C1QTNF3: variants seen among roughly 807,000 people sequenced by gnomAD.
The protein encoded by C1QTNF3 is complement C1q tumor necrosis factor-related protein 3.
In C1QTNF3, 26 loss-of-function variants were observed where a neutral mutation model predicts 32.6. That is an observed-to-expected ratio of 0.80 (90% CI 0.58 to 1.11). The LOEUF is 1.11. Ranked by LOEUF, C1QTNF3 falls within the 50% of genes least tolerant of loss-of-function variation. C1QTNF3 has a pLI of 0.00. For synonymous variants in C1QTNF3, 155 were observed against 146.0 expected, an observed-to-expected ratio of 1.06 and a Z score of -0.44; for missense variants, 362 against 398.2, an observed-to-expected ratio of 0.91 and a Z score of 0.77.
At chr5:34,124,732 C>G in the C1QTNF3 span, among the ~76,000 whole-genome samples, 1 of 152,070 alleles carries the variant, frequency 6.6e-6, no homozygotes, top group Admixed American at 6.6e-5. Context: ...TTTGTTTTGT[C>G]TTAAGCAGTC....
At chr5:34,095,844 G>A in the C1QTNF3 span, among the ~76,000 whole-genome samples, 1 of 151,008 alleles carries the variant, frequency 6.6e-6, no homozygotes, top group Admixed American at 6.6e-5. Context: ...GAAAATGGAA[G>A]GTTAATTGTG....
chr5:34,169,218 C>T, the C1QTNF3 span: 1 of 152,108 alleles, frequency 6.6e-6, no homozygotes, highest in Admixed American at 6.6e-5. Context: ...AATAGTAGCA[C>T]AAACGAATTA....
intron 1 of C1QTNF3, 104 bp from the exon 2 acceptor site, chr5:34,035,862 C>T (rs1277580612): frequency 7.6e-6 from 6 of 790,858 alleles, no homozygotes; most frequent in Admixed American, 2.6e-5. Context: ...TAATTCCAAT[C>T]GAATCACAGC....
chr5:34,209,656 C>T, the C1QTNF3 span, among the ~76,000 whole-genome samples: 3 of 152,066 alleles, frequency 2.0e-5, no homozygotes, highest in African/African-American at 7.2e-5. Context: ...GATCATTTTT[C>T]ATGCCTGTGT....
the C1QTNF3 span, among the ~76,000 whole-genome samples, chr5:34,207,462 T>G: frequency 1.3e-5 from 2 of 152,196 alleles, no homozygotes; most frequent in Non-Finnish European, 2.9e-5. Context: ...ATTTAAATTT[T>G]GTGGTTGTTC....
the C1QTNF3 span, among the ~76,000 whole-genome samples, chr5:34,132,635 T>C: frequency 6.6e-6 from 1 of 152,070 alleles, no homozygotes; most frequent in South Asian, 2.1e-4. Context: ...TGATCTTACA[T>C]ATTATTTGTC....
the C1QTNF3 span, among the ~76,000 whole-genome samples, chr5:34,140,823 G>A: frequency 6.6e-6 from 1 of 152,190 alleles, no homozygotes; most frequent in African/African-American, 2.4e-5. Context: ...CTGAAAATTT[G>A]TAGCACCCTA....
chr5:34,071,241 TATC>T, the C1QTNF3 span, among the ~76,000 whole-genome samples: 1 of 152,196 alleles, frequency 6.6e-6, no homozygotes, highest in East Asian at 1.9e-4. Context: ...AGATAAACCT[TATC>T]ATTTTCTCCT....
At chr5:34,176,027 A>G in the C1QTNF3 span, 2 of 644,358 alleles carry the variant, frequency 3.1e-6, no homozygotes, top group Admixed American at 2.4e-5. Flanking sequence ...ATAAAGATCC[A>G]CTTGATGGTG....
chr5:34,047,971 C>T (rs1291943658), upstream of C1QTNF3, among the ~76,000 whole-genome samples: 1 of 152,106 alleles, frequency 6.6e-6, no homozygotes, highest in African/African-American at 2.4e-5. Flanking sequence ...AGTTGGTCAG[C>T]TGGTCAGGAT....
the C1QTNF3 span, chr5:34,218,161 G>A: frequency 2.6e-5 from 4 of 152,396 alleles, no homozygotes; most frequent in Non-Finnish European, 4.4e-5. Context: ...TAATGTATTT[G>A]ATATATCGTT....
At chr5:34,067,400 A>G in the C1QTNF3 span, among the ~76,000 whole-genome samples, 2 of 152,200 alleles carry the variant, frequency 1.3e-5, no homozygotes, top group Admixed American at 1.3e-4. Flanking sequence ...AGACTGGGCA[A>G]TTTCCAAAAG....
chr5:34,113,148 A>C, the C1QTNF3 span, among the ~76,000 whole-genome samples: 8 of 134,528 alleles, frequency 5.9e-5, no homozygotes, highest in African/African-American at 1.0e-4. Flanking sequence ...AGTACCTATA[A>C]AATATTTAAA....
At chr5:34,039,098 T>C (rs777128621) in intron 1 of C1QTNF3, among the ~76,000 whole-genome samples, 1 of 152,032 alleles carries the variant, frequency 6.6e-6, no homozygotes, top group Non-Finnish European at 1.5e-5. Context: ...CCTAGGAGCA[T>C]TTGGCTGGTA....
chr5:34,096,924 GGT>G, the C1QTNF3 span, among the ~76,000 whole-genome samples: 1 of 149,758 alleles, frequency 6.7e-6, no homozygotes, highest in Non-Finnish European at 1.5e-5. Flanking sequence ...ATGATAGAAA[GGT>G]AAGAAGGACT....
intron 1 of C1QTNF3, among the ~76,000 whole-genome samples, chr5:34,037,294 A>C (rs1754765364): frequency 6.6e-6 from 1 of 152,222 alleles, no homozygotes; most frequent in Non-Finnish European, 1.5e-5. Flanking sequence ...TCATGAAAAA[A>C]ATGAAGCAAA....
the C1QTNF3 span, chr5:34,168,515 A>G: frequency 6.6e-6 from 1 of 151,686 alleles, no homozygotes; most frequent in Non-Finnish European, 1.5e-5. Context: ...GTTAGGTAAA[A>G]TGAGTTTCAG....
chr5:34,128,114 G>C, the C1QTNF3 span, among the ~76,000 whole-genome samples: 2 of 152,220 alleles, frequency 1.3e-5, no homozygotes, highest in Admixed American at 6.5e-5. Context: ...GTGAAGACCT[G>C]TGTCCCAGCA....
chr5:34,145,678 C>CAAAAAAAAAAAAAAAAAAAACAA, the C1QTNF3 span, among the ~76,000 whole-genome samples: 1 of 96,944 alleles, frequency 1.0e-5, no homozygotes, highest in Non-Finnish European at 2.1e-5. Flanking sequence ...AGAGACACAG[C>CAAAAAAAAAAAAAAAAAAAACAA]AAAAAAAAAA....
Sources: gnomAD v4.1 joint callset for allele counts (sites outside exome capture counted in the v4.1 genomes callset) on GRCh38, gnomAD v4.1.1 for gene constraint, MANE v1.5 for transcripts, NCBI Gene and HGNC (gene_info 2026-07-23, HGNC 2026-07-21) for gene names.